AUTS2: variants seen among roughly 807,000 people sequenced by gnomAD.
AUTS2 encodes the protein activator of transcription and developmental regulator AUTS2.
A neutral mutation model predicts 112.4 loss-of-function variants in AUTS2; 17 were observed. That is an observed-to-expected ratio of 0.15 (90% CI 0.10 to 0.23). The LOEUF is 0.23. AUTS2 is among the 10% of genes least tolerant of loss of function. AUTS2 has a pLI of 1.00. For synonymous variants in AUTS2, 751 were observed against 702.7 expected, an observed-to-expected ratio of 1.07 and a Z score of -1.09; for missense variants, 1,510 against 1,701.6, an observed-to-expected ratio of 0.89 and a Z score of 1.98.
intron 4 of AUTS2, among the ~76,000 whole-genome samples, chr7:70,278,723 A>G (rs1450975713): frequency 6.6e-6 from 1 of 152,242 alleles, no homozygotes; most frequent in African/African-American, 2.4e-5. Flanking sequence ...ATTTAAAGGT[A>G]AGATTGTCAT....
chr7:70,591,743 C>G (rs1475673945), intron 5 of AUTS2, among the ~76,000 whole-genome samples: 3 of 152,180 alleles, frequency 2.0e-5, no homozygotes, highest in African/African-American at 7.2e-5. Flanking sequence ...TATGCTCCCC[C>G]CACCTGCAAC....
intron 2 of AUTS2, among the ~76,000 whole-genome samples, chr7:70,019,627 G>A (rs116771818): frequency 6.6e-6 from 1 of 152,032 alleles, no homozygotes; most frequent in African/African-American, 2.4e-5. Flanking sequence ...CCTGACACTA[G>A]CCCTGTTACC....
intron 1 of AUTS2, among the ~76,000 whole-genome samples, chr7:69,616,944 T>C (rs1793414296): frequency 6.6e-6 from 1 of 152,228 alleles, no homozygotes; most frequent in South Asian, 2.1e-4. Context: ...TGACAGCTTC[T>C]GTGTGCTAGG....
chr7:69,628,893 C>G (rs759875905), intron 1 of AUTS2, among the ~76,000 whole-genome samples: 1 of 152,128 alleles, frequency 6.6e-6, no homozygotes, highest in African/African-American at 2.4e-5. Context: ...GAAACCGAGG[C>G]ACTGAGATGT....
intron 1 of AUTS2, among the ~76,000 whole-genome samples, chr7:69,855,706 A>G (rs1040366759): frequency 6.6e-6 from 1 of 152,204 alleles, no homozygotes; most frequent in African/African-American, 2.4e-5. Flanking sequence ...TGTAGTCCGT[A>G]TAACTGCCAG....
intron 2 of AUTS2, among the ~76,000 whole-genome samples, chr7:70,028,864 A>T (rs1389428252): frequency 6.6e-6 from 1 of 152,158 alleles, no homozygotes; most frequent in Non-Finnish European, 1.5e-5. Context: ...ATTGCCTGCG[A>T]ATTGAGAATA....
At chr7:70,516,915 A>G (rs1378343981) in intron 5 of AUTS2, among the ~76,000 whole-genome samples, 2 of 152,170 alleles carry the variant, frequency 1.3e-5, no homozygotes, top group Non-Finnish European at 2.9e-5. Context: ...TTTCCTGGTT[A>G]CAATGAAAAA....
chr7:70,684,775 C>G (rs1381764647), intron 5 of AUTS2, among the ~76,000 whole-genome samples: 1 of 152,126 alleles, frequency 6.6e-6, no homozygotes, highest in African/African-American at 2.4e-5. Flanking sequence ...TCCTTCACTG[C>G]AGAGGACCTC....
At chr7:69,979,099 A>G (rs1189116838) in intron 2 of AUTS2, among the ~76,000 whole-genome samples, 1 of 152,226 alleles carries the variant, frequency 6.6e-6, no homozygotes, top group Non-Finnish European at 1.5e-5. Context: ...GTAATATTTT[A>G]TAGAGTTTCC....
intron 2 of AUTS2, among the ~76,000 whole-genome samples, chr7:69,947,949 G>A (rs1030009163): frequency 6.6e-6 from 1 of 152,140 alleles, no homozygotes; most frequent in African/African-American, 2.4e-5. Context: ...TCTGTTTAAA[G>A]CTTCCCATTT....
chr7:69,847,201 C>G (rs896376134), intron 1 of AUTS2, among the ~76,000 whole-genome samples: 2 of 152,162 alleles, frequency 1.3e-5, no homozygotes, highest in Admixed American at 1.3e-4. Context: ...TTACAGAGTA[C>G]TAAAGCCGTA....
At chr7:70,216,759 T>G (rs1811186466) in intron 4 of AUTS2, among the ~76,000 whole-genome samples, 1 of 152,206 alleles carries the variant, frequency 6.6e-6, no homozygotes, top group Non-Finnish European at 1.5e-5. Flanking sequence ...GGCTGAATAA[T>G]TACATACCCT....
At chr7:70,746,997 G>C (rs1188155926) in intron 6 of AUTS2, among the ~76,000 whole-genome samples, 1 of 152,170 alleles carries the variant, frequency 6.6e-6, no homozygotes, top group Non-Finnish European at 1.5e-5. Flanking sequence ...AATGGATGCT[G>C]TGATTCTGAG....
intron 1 of AUTS2, among the ~76,000 whole-genome samples, chr7:69,793,994 A>C (rs10229588): frequency 0.1 from 15,166 of 152,204 alleles, 1,200 homozygotes; most frequent in African/African-American, 0.22. Flanking sequence ...TGATTGGAGC[A>C]TGGGGCTCCT....
At chr7:69,714,782 G>A (rs1798521636) in intron 1 of AUTS2, among the ~76,000 whole-genome samples, 1 of 151,922 alleles carries the variant, frequency 6.6e-6, no homozygotes, top group Non-Finnish European at 1.5e-5. Flanking sequence ...AATTAAATTT[G>A]TATACCAGTT....
chr7:70,040,898 C>T (rs1053980834), intron 2 of AUTS2, among the ~76,000 whole-genome samples: 3 of 152,168 alleles, frequency 2.0e-5, no homozygotes, highest in Admixed American at 2.0e-4. Context: ...GGTTGGTCCC[C>T]ATGGCTTTTT....
In AUTS2 at chr7:70,111,443, T is replaced by C. The variant is rs143939656; in HGVS notation, c.523-6689T>C. On this transcript the variant is annotated intron_variant, in intron 2 of 18. Transcript: ENST00000342771. ...GTTAGATACCATAAAATTCACTCAT[T>C]GTAAGGGTACAAGCTAATTAATTTT... Among the ~76,000 whole-genome samples the C allele has an allele frequency of 6.2e-3, 946 of 152,282 alleles. 43 individuals carry two copies. The highest frequency in any genetic ancestry group is 0.049 in the Admixed American group (746 of 15,288).
At chr7:69,883,087 G>A (rs983898212) in intron 1 of AUTS2, among the ~76,000 whole-genome samples, 1 of 152,096 alleles carries the variant, frequency 6.6e-6, no homozygotes, top group Non-Finnish European at 1.5e-5. Context: ...GTTCATGTTC[G>A]TAAAGCCAGA....
chr7:70,239,958 G>A (rs1026250428), intron 4 of AUTS2, among the ~76,000 whole-genome samples: 2 of 152,142 alleles, frequency 1.3e-5, no homozygotes, highest in African/African-American at 2.4e-5. Flanking sequence ...TTTAAGTAAC[G>A]GTAGGTAAGG....
Sources: allele counts gnomAD v4.1 joint callset (sites outside exome capture counted in the v4.1 genomes callset), GRCh38; gene constraint gnomAD v4.1.1; transcripts MANE v1.5; gene names NCBI Gene and HGNC (gene_info 2026-07-23, HGNC 2026-07-21).